Variants in GALNT18 observed in about 807,000 individuals in gnomAD.
GALNT18 encodes GalNAc-transferase 18.
A neutral mutation model predicts 69.5 loss-of-function variants in GALNT18; 44 were observed. The observed-to-expected ratio is 0.63, with a 90% CI of 0.50 to 0.81. The LOEUF (loss-of-function observed/expected upper bound fraction) is 0.81. Among genes scored for constraint, GALNT18 ranks in the 40% least tolerant of loss-of-function variants. The probability of loss-of-function intolerance (pLI) is 0.00; values close to 1 mark genes in which losing one functional copy is unlikely to be tolerated. For missense variants in GALNT18, 715 were observed against 810.0 expected (o/e 0.88, Z 1.42); for synonymous variants, 364 against 318.2 (o/e 1.14, Z -1.53).
In GALNT18 at chr11:11,351,546, C is replaced by G. The variant is rs190335355; in HGVS notation, c.1093-10542G>C. Among the ~76,000 whole-genome samples, 338 of 152,270 alleles carry G rather than the reference C, an allele frequency of 2.2e-3. 3 individuals carry two copies. The highest frequency in any genetic ancestry group is 7.7e-3 in the African/African-American group (322 of 41,550). ...GCTGGGAAGGTAAGCTAGTTCAAGT[C>G]CAGGCATATCTATGGAACCAAAACC... On this transcript the variant is annotated intron_variant, in intron 6 of 10. Coordinates refer to ENST00000227756, the MANE Select transcript of GALNT18 (RefSeq NM_198516.3).
intron 2 of GALNT18, among the ~76,000 whole-genome samples, chr11:11,448,117 T>G (rs1337631109): frequency 6.6e-6 from 1 of 152,108 alleles, no homozygotes; most frequent in Non-Finnish European, 1.5e-5. Context: ...CAGCAAGATC[T>G]TTCTCAAAGA....
intron 1 of GALNT18, chr11:11,475,200 A>ACT (rs10629501): frequency 0.98 from 148,780 of 152,286 alleles, 72,756 homozygotes; most frequent in East Asian, 1. Context: ...TTTTCTTATA[A>ACT]CTACTTCGTG....
At position 11,500,283 on chromosome 11, in the gene GALNT18, G is replaced by A. The variant is rs1856948633; in HGVS notation, c.236-51347C>T. Among the ~76,000 whole-genome samples the A allele has an allele frequency of 6.6e-6, 1 of 152,164 alleles. No individual in the cohort carries two copies. Among genetic ancestry groups the A allele is most frequent in the African/African-American group, 2.4e-5 (1 of 41,428 alleles). On this transcript the variant is annotated intron_variant, in intron 1 of 10. Coordinates refer to ENST00000227756, the MANE Select transcript of GALNT18 (RefSeq NM_198516.3). This position sits in a 1 kb window ranked among gnomAD's most constrained non-coding sequence, Gnocchi z 5.0. ...GAACCTGCAGGAGGCTGGCCTCCCG[G>A]GAGTCCCTAATACTGGCGGACAGAG...
chr11:11,295,335 G>A (rs1165399091), intron 9 of GALNT18, among the ~76,000 whole-genome samples: 1 of 152,202 alleles, frequency 6.6e-6, no homozygotes, highest in Non-Finnish European at 1.5e-5. Context: ...GGTGTGGGTA[G>A]GGTGTCAGGG....
In GALNT18 at chr11:11,377,059, G is replaced by T; in HGVS notation, c.977+123C>A. ...TGAAGATCAGACTGCAGTTCCTTTC[G>T]ACCCTGCCCACCCCTGTCATCCCCA... On this transcript the variant is annotated intron_variant, in intron 5 of 10. Coordinates refer to ENST00000227756, the MANE Select transcript of GALNT18 (RefSeq NM_198516.3). The surrounding 1 kb of genome is among the most constrained non-coding windows in gnomAD (Gnocchi z 4.6). The T allele has an allele frequency of 1.2e-6, 1 of 841,554 alleles. No individual in the cohort carries two copies. 52.1% of individuals were successfully genotyped at this position (841,554 alleles called of 1,614,324 possible). A position where few individuals can be genotyped will look rare whatever the true frequency, so the allele number is the denominator to read the frequency against.
At chr11:11,487,334 C>T (rs2133879204) in intron 1 of GALNT18, among the ~76,000 whole-genome samples, 1 of 152,250 alleles carries the variant, frequency 6.6e-6, no homozygotes, top group South Asian at 2.1e-4. Context: ...GTAATGGGTG[C>T]ACCAAAACCT....
chr11:11,375,804 C>G (rs1443779154), intron 5 of GALNT18, among the ~76,000 whole-genome samples: 2 of 152,176 alleles, frequency 1.3e-5, no homozygotes, highest in Non-Finnish European at 2.9e-5. Context: ...AGGGGCCGAG[C>G]AGAGTAGGTA....
At position 11,372,521 on chromosome 11, in the gene GALNT18, C is replaced by T. The variant is rs763311384; in HGVS notation, c.1086G>A (p.Gly362=). 3.0e-5 allele frequency: 48 copies of T among 1,613,920 alleles called. No homozygotes were observed. In the South Asian group the frequency reaches 5.3e-4, roughly 18 times the overall value. The stretch of plus-strand genomic sequence containing the variant: ...AGTGAGAAACCCCACTCACCCTGAT[C>T]CCAAGCTCCACATTCTCGCCCCCGT... ...EVYGGENVEL[G]IRVWQCGGSV... Residue 362 remains glycine, a synonymous_variant, in exon 6 of 11, where the codon GGG becomes GGA. Coordinates refer to ENST00000227756, the MANE Select transcript of GALNT18 (RefSeq NM_198516.3). This position sits in a 1 kb window ranked among gnomAD's most constrained non-coding sequence, Gnocchi z 4.9.
At chr11:11,355,996 G>A (rs566521435) in intron 6 of GALNT18, among the ~76,000 whole-genome samples, 7 of 152,320 alleles carry the variant, frequency 4.6e-5, no homozygotes, top group African/African-American at 1.7e-4. Context: ...AAACTTGTGT[G>A]CAGGGGTAAT....
chr11:11,467,070 CGGA>C (rs914269159), intron 1 of GALNT18, among the ~76,000 whole-genome samples: 19 of 152,296 alleles, frequency 1.2e-4, no homozygotes, highest in African/African-American at 4.3e-4. Context: ...GCAGTATGTG[CGGA>C]GGAGAACATC....
rs146486599 is a variant in GALNT18, at chr11:11,271,605, G to GGGCTGGGTCTTTCTCCCCATAGCCATC, written c.1678-316_1678-315insGATGGCTATGGGGAGAAAGACCCAGCC. ...TTTGCACCTACAGCTCCTACCCCAGGGGCTGGGTCCTTTCTCTGAAAAGCC... is the reference window on the plus strand; with the variant it reads ...TTTGCACCTACAGCTCCTACCCCAGGGGCTGGGTCTTTCTCCCCATAGCCATCGGCTGGGTCCTTTCTCTGAAAAGCC... On this transcript the variant is annotated intron_variant, in intron 10 of 10. Transcript: ENST00000227756. Among the ~76,000 whole-genome samples, 275 of 151,328 alleles carry GGGCTGGGTCTTTCTCCCCATAGCCATC rather than the reference G, an allele frequency of 1.8e-3. 2 individuals carry two copies. Among genetic ancestry groups the GGGCTGGGTCTTTCTCCCCATAGCCATC allele is most frequent in the Non-Finnish European group, 3.2e-3 (217 of 67,536 alleles).
intron 1 of GALNT18, among the ~76,000 whole-genome samples, chr11:11,612,959 G>T (rs2133966258): frequency 6.6e-6 from 1 of 152,268 alleles, no homozygotes; most frequent in African/African-American, 2.4e-5. Context: ...TTTAGCAGTG[G>T]CTCCATAAGG....
At chr11:11,427,015 A>C (rs971679741) in intron 3 of GALNT18, among the ~76,000 whole-genome samples, 2 of 152,326 alleles carry the variant, frequency 1.3e-5, no homozygotes, top group African/African-American at 4.8e-5. Flanking sequence ...CCTGGGCTCA[A>C]GTGATCCTCC....
intron 3 of GALNT18, among the ~76,000 whole-genome samples, chr11:11,406,647 C>T (rs74488889): frequency 0.015 from 2,275 of 152,324 alleles, 54 homozygotes; most frequent in African/African-American, 0.052. Flanking sequence ...GGTTAAAATG[C>T]CATACAAGTC....
Position 11,439,953 on chromosome 11 carries a change from G to C in GALNT18, c.429-7166C>G, listed in dbSNP as rs559943448. ...AGAGATTTGGCAAGACACTACATCT[G>C]TCCCAGATATGGAAGAGACAATGGA... On this transcript the variant is annotated intron_variant, in intron 2 of 10. Coordinates refer to ENST00000227756, the MANE Select transcript of GALNT18 (RefSeq NM_198516.3). This position sits in a 1 kb window ranked among gnomAD's most constrained non-coding sequence, Gnocchi z 4.4. Among the ~76,000 whole-genome samples, 46 of 152,352 alleles carry C rather than the reference G, an allele frequency of 3.0e-4. No individual in the cohort carries two copies. The highest frequency in any genetic ancestry group is 1.0e-3 in the African/African-American group (43 of 41,584).
At chr11:11,287,779 C>T (rs1415391229) in intron 10 of GALNT18, among the ~76,000 whole-genome samples, 1 of 152,168 alleles carries the variant, frequency 6.6e-6, no homozygotes, top group Non-Finnish European at 1.5e-5. Context: ...ATGCGGGAGA[C>T]ATCAGCTGTT....
Position 11,291,844 on chromosome 11 carries a change from A to G in GALNT18, c.1677+1185T>C, listed in dbSNP as rs954915253. Among the ~76,000 whole-genome samples, 38 of 152,170 alleles carry G rather than the reference A, an allele frequency of 2.5e-4. 1 individual carries two copies. The highest frequency in any genetic ancestry group is 2.0e-3 in the Admixed American group (30 of 15,274). ...ACATTCACTGTTTATTTAGGACCTA[A>G]GAGTCTCTGTAAGTGCTCTAATTCT... On this transcript the variant is annotated intron_variant, in intron 10 of 10. Transcript: ENST00000227756.
At chr11:11,289,810 T>C (rs1053645878) in intron 10 of GALNT18, among the ~76,000 whole-genome samples, 1 of 152,188 alleles carries the variant, frequency 6.6e-6, no homozygotes, top group Non-Finnish European at 1.5e-5. Context: ...CCAGTGAATC[T>C]ACCACTCTCA....
intron 4 of GALNT18, among the ~76,000 whole-genome samples, chr11:11,378,735 T>C (rs11607411): frequency 0.1 from 15,286 of 152,152 alleles, 940 homozygotes; most frequent in African/African-American, 0.14. Flanking sequence ...TCTCCTTTCC[T>C]AGGTGTGGGA....
Sources: allele counts gnomAD v4.1 joint callset (sites outside exome capture counted in the v4.1 genomes callset), GRCh38; gene constraint gnomAD v4.1.1; non-coding constraint Gnocchi (gnomAD v3.1); transcripts MANE v1.5; gene names NCBI Gene and HGNC (gene_info 2026-07-23, HGNC 2026-07-21).